MYO15B: variants seen among roughly 807,000 people sequenced by gnomAD.
MYO15B encodes the protein myosin XVB pseudogene.
A neutral mutation model predicts 119.3 loss-of-function variants in MYO15B; 207 were observed. The observed-to-expected ratio is 1.73, with a 90% CI of 1.55 to 1.95. The LOEUF (loss-of-function observed/expected upper bound fraction) is 1.95. Among genes scored for constraint, MYO15B ranks in the 30% most tolerant of loss-of-function variants. MYO15B has a pLI of 0.00. For synonymous variants in MYO15B, 966 were observed against 498.9 expected (o/e 1.94, Z -12.48); for missense variants, 2,264 against 1,203.1 (o/e 1.88, Z -13.04).
chr17:75,596,410 G>A lies in MYO15B; in HGVS notation c.3298-50G>A, dbSNP rs562786165. ...CCAGAATGAAGGAAGCCTCTGGGGT[G>A]GGGGGAGGGCACAGCCCCATGTGCC... On this transcript the variant is annotated intron_variant, in intron 12 of 63. Transcript: ENST00000645453. 6.7e-5 allele frequency: 47 copies of A among 699,774 alleles called. No individual in the cohort carries two copies. The African/African-American group carries it at 7.5e-4, about 11-fold the overall frequency. The allele number at this position is 699,774 out of a possible 1,614,324, so 43.3% of individuals were successfully genotyped here. A position where few individuals can be genotyped will look rare whatever the true frequency, so the allele number is the denominator to read the frequency against.
At chr17:75,623,054 G>A (rs1007258427) in intron 53 of MYO15B, among the ~76,000 whole-genome samples, 11 of 62,912 alleles carry the variant, frequency 1.7e-4, no homozygotes, top group East Asian at 1.2e-3. Context: ...AGCAGGGGCC[G>A]GGCGCGGCGG....
chr17:75,626,775 G>A (rs1054144314), exon 64 of MYO15B: 4 of 534,150 alleles, frequency 7.5e-6, no homozygotes, highest in Non-Finnish European at 1.3e-5. Flanking sequence ...CCCAGGCTCC[G>A]CCCAGGCCCC....
chr17:75,601,348 T>G (rs2057270136), intron 14 of MYO15B, 90 bp from the exon 15 acceptor site: 1 of 665,384 alleles, frequency 1.5e-6, no homozygotes, highest in African/African-American at 1.8e-5. Flanking sequence ...ATAGTCAGTG[T>G]AGGCAGTACT....
At chr17:75,588,360 G>C (rs76124218) in exon 1 of MYO15B, 24,130 of 398,662 alleles carry the variant, frequency 0.061, 819 homozygotes, top group Middle Eastern at 0.099. Context: ...AGGGACGCGG[G>C]CCCAGGGGCG....
chr17:75,588,817 C>T, exon 1 of MYO15B: 1 of 398,484 alleles, frequency 2.5e-6, no homozygotes, highest in Non-Finnish European at 4.4e-6. Flanking sequence ...ACGGGGCTCT[C>T]GGGCAGCTAT....
At chr17:75,588,693 C>A in exon 1 of MYO15B, 1 of 399,662 alleles carries the variant, frequency 2.5e-6, no homozygotes, top group Non-Finnish European at 4.4e-6. Context: ...TGGACAGCGA[C>A]TGGCCCCACG....
chr17:75,624,565 A>G, exon 58 of MYO15B: 1 of 702,916 alleles, frequency 1.4e-6, no homozygotes, highest in Non-Finnish European at 2.6e-6. Flanking sequence ...GTGCAGGAGG[A>G]GCTGTGCCGG....
At chr17:75,620,689 G>C in intron 49 of MYO15B, 53 bp downstream of exon 49, 1 of 689,412 alleles carries the variant, frequency 1.5e-6, no homozygotes, top group Non-Finnish European at 2.7e-6. Context: ...TGAGACTGAG[G>C]AAGGAAAGGG....
At chr17:75,615,017 G>T in exon 33 of MYO15B, 1 of 702,962 alleles carries the variant, frequency 1.4e-6, no homozygotes, top group Non-Finnish European at 2.6e-6. Context: ...GCGCCATTGG[G>T]CCCACACAGC....
chr17:75,606,872 C>T (rs2057690065), intron 21 of MYO15B: 1 of 398,128 alleles, frequency 2.5e-6, no homozygotes, highest in Non-Finnish European at 4.4e-6. Context: ...CTTTAGACTT[C>T]TCTTTCCTAT....
At chr17:75,599,942 G>T (rs949299617) in intron 14 of MYO15B, among the ~76,000 whole-genome samples, 3 of 150,170 alleles carry the variant, frequency 2.0e-5, no homozygotes, top group Non-Finnish European at 4.4e-5. Context: ...AAATACAAGC[G>T]CATGTGATTC....
rs558766949 is a variant in MYO15B, at chr17:75,623,041, A to C, written c.8083-740A>C. Among the ~76,000 whole-genome samples, 9 of 131,210 alleles carry C rather than the reference A, an allele frequency of 6.9e-5. No homozygotes were observed. The South Asian group carries it at 1.4e-3, about 20-fold the overall frequency. 86.1% of individuals were successfully genotyped at this position (131,210 alleles called of 152,430 possible). On this transcript the variant is annotated intron_variant, in intron 53 of 63. Transcript: ENST00000645453. Reference sequence around the variant, plus strand: ...CCAGCAGAGATGAGTAAGAGATCAGAGAAGCAGGGGCCGGGCGCGGCGGCT... The same window carrying C: ...CCAGCAGAGATGAGTAAGAGATCAGCGAAGCAGGGGCCGGGCGCGGCGGCT...
chr17:75,611,742 C>T, intron 24 of MYO15B, 84 bp downstream of exon 24: 2 of 698,672 alleles, frequency 2.9e-6, no homozygotes, highest in Non-Finnish European at 5.2e-6. Flanking sequence ...TGGTTCCTCC[C>T]TCTGATGCTC....
intron 14 of MYO15B, 126 bp downstream of exon 14, chr17:75,597,025 A>G: frequency 1.7e-6 from 1 of 593,118 alleles, no homozygotes; most frequent in South Asian, 2.0e-5. Context: ...CCCTGATCAC[A>G]GTTCCTCAGC....
At chr17:75,619,770 C>T (rs1359860612) in exon 46 of MYO15B, 40 of 702,762 alleles carry the variant, frequency 5.7e-5, no homozygotes, top group Non-Finnish European at 9.9e-5. Context: ...GCCTCCGCCC[C>T]GACCAGCTGA....
chr17:75,625,342 G>A (rs2058977272), intron 60 of MYO15B, 104 bp downstream of exon 60: 3 of 639,606 alleles, frequency 4.7e-6, no homozygotes, highest in South Asian at 1.7e-5. Context: ...CAGGAGCAGC[G>A]GGGCCTGTGA....
At chr17:75,593,608 CG>C (rs2056628863) in intron 9 of MYO15B, among the ~76,000 whole-genome samples, 1 of 145,184 alleles carries the variant, frequency 6.9e-6, no homozygotes, top group African/African-American at 2.7e-5. Flanking sequence ...AGCGAGACTC[CG>C]TCTCAGAAAA....
chr17:75,604,966 C>T (rs537131875), intron 19 of MYO15B, among the ~76,000 whole-genome samples: 87 of 151,378 alleles, frequency 5.7e-4, no homozygotes, highest in Non-Finnish European at 1.1e-3. Flanking sequence ...AGAGAAACCC[C>T]GTCTCTACTA....
chr17:75,616,441 G>A, exon 38 of MYO15B: 1 of 638,870 alleles, frequency 1.6e-6, no homozygotes, highest in Non-Finnish European at 2.8e-6. Context: ...GTGGAAACAA[G>A]AGCAGGTTGT....
Sources: gnomAD v4.1 joint callset for allele counts (sites outside exome capture counted in the v4.1 genomes callset) on GRCh38, gnomAD v4.1.1 for gene constraint, MANE v1.5 for transcripts, NCBI Gene and HGNC (gene_info 2026-07-23, HGNC 2026-07-21) for gene names.